Variants in ACCSL observed in about 807,000 individuals in gnomAD.
ACCSL encodes probable inactive 1-aminocyclopropane-1-carboxylate synthase-like protein 2.
ACCSL carries 55 observed loss-of-function variants against 61.7 expected under a neutral mutation model. That is an observed-to-expected ratio of 0.89 (90% confidence interval 0.72 to 1.12). The LOEUF is 1.12. Among genes scored for constraint, ACCSL ranks in the 50% most tolerant of loss-of-function variants. ACCSL has a pLI of 0.00. For missense variants in ACCSL, 632 were observed against 698.0 expected (o/e 0.91, Z 1.07); for synonymous variants, 258 against 264.3 (o/e 0.98, Z 0.23).
the ACCSL span, among the ~76,000 whole-genome samples, chr11:44,022,159 G>C: frequency 6.6e-6 from 1 of 151,894 alleles, no homozygotes; most frequent in Admixed American, 6.6e-5. Context: ...GAAGAATGAT[G>C]GTGGTATTTT....
the ACCSL span, among the ~76,000 whole-genome samples, chr11:43,965,455 A>ATAT: frequency 6.6e-6 from 1 of 152,166 alleles, no homozygotes; most frequent in South Asian, 2.1e-4. Context: ...AATAAAGAAC[A>ATAT]CCTGAGTAAA....
the ACCSL span, among the ~76,000 whole-genome samples, chr11:44,004,522 C>T: frequency 6.6e-6 from 1 of 152,174 alleles, no homozygotes; most frequent in African/African-American, 2.4e-5. Context: ...CCATAAAAGC[C>T]TGTCTGCGAC....
intron 9 of ACCSL, 22 bp from the exon 10 acceptor site, chr11:44,056,018 A>T: frequency 6.2e-7 from 1 of 1,613,940 alleles, no homozygotes; most frequent in Non-Finnish European, 8.5e-7. Context: ...AACCTTAGTT[A>T]ATTTTTCCAC....
chr11:43,938,622 G>A, the ACCSL span, among the ~76,000 whole-genome samples: 1 of 151,956 alleles, frequency 6.6e-6, no homozygotes, highest in Admixed American at 6.6e-5. Flanking sequence ...TGGCCAACAG[G>A]GTGAAACCCT....
chr11:44,033,246 C>T, the ACCSL span, among the ~76,000 whole-genome samples: 3 of 152,270 alleles, frequency 2.0e-5, no homozygotes, highest in African/African-American at 7.2e-5. Flanking sequence ...TGCTTAGTAA[C>T]TCACCCATGG....
the ACCSL span, among the ~76,000 whole-genome samples, chr11:43,998,483 G>A: frequency 1.3e-5 from 2 of 152,268 alleles, no homozygotes; most frequent in East Asian, 1.9e-4. Context: ...TGGGCACAGC[G>A]CTGAGGTCTT....
the ACCSL span, among the ~76,000 whole-genome samples, chr11:44,027,681 A>T: frequency 6.6e-6 from 1 of 152,134 alleles, no homozygotes; most frequent in South Asian, 2.1e-4. Context: ...TCCTTTTCTG[A>T]TTTCTAAGCC....
At chr11:44,043,909 C>T (rs1394259194), upstream of ACCSL, among the ~76,000 whole-genome samples, 1 of 152,152 alleles carries the variant, frequency 6.6e-6, no homozygotes, top group African/African-American at 2.4e-5. Flanking sequence ...GATTTTATCT[C>T]CTTCAACAGA....
the ACCSL span, among the ~76,000 whole-genome samples, chr11:43,991,014 T>C: frequency 6.6e-6 from 1 of 151,706 alleles, no homozygotes. Flanking sequence ...GAGGCTACAG[T>C]GAGCCCAGAT....
At chr11:44,003,883 G>A in the ACCSL span, among the ~76,000 whole-genome samples, 1 of 152,172 alleles carries the variant, frequency 6.6e-6, no homozygotes, top group African/African-American at 2.4e-5. Context: ...CCCAGGGATA[G>A]GGGGTACCTC....
At chr11:43,965,898 A>G in the ACCSL span, among the ~76,000 whole-genome samples, 2 of 152,194 alleles carry the variant, frequency 1.3e-5, no homozygotes, top group Non-Finnish European at 1.5e-5. Flanking sequence ...GTATATCCAC[A>G]TGCATTTTTG....
the ACCSL span, among the ~76,000 whole-genome samples, chr11:44,013,010 G>A: frequency 6.6e-6 from 1 of 152,154 alleles, no homozygotes; most frequent in Non-Finnish European, 1.5e-5. Flanking sequence ...CCAGTGCCGG[G>A]AGCATGGTAA....
At chr11:43,959,755 G>C in the ACCSL span, among the ~76,000 whole-genome samples, 3 of 152,190 alleles carry the variant, frequency 2.0e-5, no homozygotes, top group Non-Finnish European at 4.4e-5. Flanking sequence ...GGCAGGGTTT[G>C]TAGAGACCAG....
At chr11:44,042,423 CA>C in the ACCSL span, among the ~76,000 whole-genome samples, 3 of 152,088 alleles carry the variant, frequency 2.0e-5, no homozygotes, top group African/African-American at 7.2e-5. Flanking sequence ...GAAGTGTAGC[CA>C]TAGAACTATT....
the ACCSL span, among the ~76,000 whole-genome samples, chr11:43,949,689 C>T: frequency 6.6e-6 from 1 of 152,174 alleles, no homozygotes; most frequent in South Asian, 2.1e-4. Context: ...GTGGCACACG[C>T]CTGTAATCCC....
chr11:43,923,774 AG>A, the ACCSL span, among the ~76,000 whole-genome samples: 3 of 152,312 alleles, frequency 2.0e-5, no homozygotes, highest in East Asian at 5.8e-4. Flanking sequence ...CGGGAAGAGG[AG>A]GCAGTGTCAG....
chr11:44,054,247 AT>A (rs1565159456), intron 8 of ACCSL, among the ~76,000 whole-genome samples: 2 of 152,036 alleles, frequency 1.3e-5, no homozygotes, highest in Admixed American at 1.3e-4. Context: ...ATAACCTTCC[AT>A]TTTCCATAAG....
chr11:43,948,286 G>C, the ACCSL span, among the ~76,000 whole-genome samples: 7 of 152,108 alleles, frequency 4.6e-5, no homozygotes, highest in Non-Finnish European at 1.0e-4. Context: ...AGGCCCTTTG[G>C]CCTCTGGAAA....
At chr11:43,998,088 C>T in the ACCSL span, among the ~76,000 whole-genome samples, 2 of 152,174 alleles carry the variant, frequency 1.3e-5, no homozygotes, top group East Asian at 1.9e-4. Context: ...GTTTCTTAAC[C>T]GTTTCGGTCT....
Sources: allele counts gnomAD v4.1 joint callset (sites outside exome capture counted in the v4.1 genomes callset), GRCh38; gene constraint gnomAD v4.1.1; transcripts MANE v1.5; gene names NCBI Gene and HGNC (gene_info 2026-07-23, HGNC 2026-07-21).